The following ABHD3 variants were observed in gnomAD, a reference collection of about 807,000 sequenced individuals.
ABHD3 encodes the protein abhydrolase domain containing 3, phospholipase.
A neutral mutation model predicts 48.8 loss-of-function variants in ABHD3; 46 were observed. The observed-to-expected ratio is 0.94, with a 90% CI of 0.74 to 1.20. The LOEUF is 1.20. ABHD3 is among the 50% of genes most tolerant of loss of function. ABHD3 has a pLI of 0.00. For missense variants in ABHD3, 490 were observed against 497.8 expected (o/e 0.98, Z 0.15); for synonymous variants, 192 against 183.7 (o/e 1.04, Z -0.36).
chr18:21,695,077 G>C (rs2040338994), intron 3 of ABHD3, among the ~76,000 whole-genome samples: 1 of 151,934 alleles, frequency 6.6e-6, no homozygotes, highest in Admixed American at 6.6e-5. Context: ...TTGTCATCCA[G>C]GCTGGAGTGC....
In ABHD3 at chr18:21,683,929, C is replaced by A. The variant is rs1046066674; in HGVS notation, c.546G>T (p.Glu182Asp). The A allele has an allele frequency of 6.3e-7, 1 of 1,596,068 alleles. No individual in the cohort carries two copies. Among genetic ancestry groups the A allele is most frequent in the Non-Finnish European group, 8.5e-7 (1 of 1,170,494 alleles). ...VVFNNRGVAG[E>D]NLLTPRTYCC... ...ATTTAAATTTACTTACCAAGAGATT[C>A]TCCCCCGCCACTCCTCTGTTGTTAA... Residue 182 changes from glutamate (E) to aspartate (D), a missense_variant, in exon 4 of 9, where the codon GAG becomes GAT. Transcript: ENST00000289119.
intron 3 of ABHD3, among the ~76,000 whole-genome samples, chr18:21,686,074 G>A (rs1252531737): frequency 6.6e-6 from 1 of 152,090 alleles, no homozygotes; most frequent in African/African-American, 2.4e-5. Flanking sequence ...TAACTCCTGG[G>A]CTCAAGTGAT....
chr18:21,651,549 C>G lies in ABHD3; in HGVS notation c.*42G>C, dbSNP rs1239938426. ...TTTGTGCACTAAGCTGAGCTGCCTT[C>G]ACAATTGTGGTTCAGACAAAATGCA... On this transcript the variant is annotated 3_prime_UTR_variant, in exon 9 of 9. Coordinates refer to ENST00000289119, the MANE Select transcript of ABHD3 (RefSeq NM_138340.5). The G allele has an allele frequency of 1.1e-5, 17 of 1,610,218 alleles. No individual in the cohort carries two copies. The highest frequency in any genetic ancestry group is 5.0e-5 in the Admixed American group (3 of 59,480).
chr18:21,684,485 A>AT (rs1049513623), intron 3 of ABHD3, among the ~76,000 whole-genome samples: 5 of 150,012 alleles, frequency 3.3e-5, no homozygotes, highest in African/African-American at 7.3e-5. Flanking sequence ...TGCGCGGCTA[A>AT]TTTTTTTTTG....
At chr18:21,668,384 G>C (rs981374077) in intron 4 of ABHD3, among the ~76,000 whole-genome samples, 2 of 151,912 alleles carry the variant, frequency 1.3e-5, no homozygotes, top group Non-Finnish European at 2.9e-5. Context: ...TTTATGAATA[G>C]TCCCCAATAT....
chr18:21,663,777 C>T, intron 5 of ABHD3: 2 of 1,535,112 alleles, frequency 1.3e-6, no homozygotes, highest in Non-Finnish European at 1.7e-6. Context: ...AGTTCAGCTT[C>T]AGAACGCAGC....
intron 4 of ABHD3, among the ~76,000 whole-genome samples, chr18:21,669,019 T>C (rs2039699013): frequency 6.6e-6 from 1 of 152,000 alleles, no homozygotes; most frequent in Non-Finnish European, 1.5e-5. Context: ...GCCCAGCAGT[T>C]GAGAGCACCC....
intron 8 of ABHD3, chr18:21,654,972 A>T (rs1432199153): frequency 6.6e-6 from 1 of 152,218 alleles, no homozygotes; most frequent in Non-Finnish European, 1.5e-5. Context: ...GACTTCCTTA[A>T]TCCAATGAAA....
chr18:21,663,704 C>T, intron 5 of ABHD3: 9 of 1,535,508 alleles, frequency 5.9e-6, no homozygotes, highest in Non-Finnish European at 7.8e-6. Flanking sequence ...TTGAAGGCCA[C>T]TGCAGCTGGA....
At chr18:21,659,373 G>A in intron 5 of ABHD3, 30 bp from the exon 6 acceptor site, 1 of 1,587,486 alleles carries the variant, frequency 6.3e-7, no homozygotes. Flanking sequence ...GAAACTCAGT[G>A]ATTAATTTGT....
At chr18:21,700,827 C>CAAAAAAAAATAAAAAAAAAAAA (rs2040490621) in intron 3 of ABHD3, among the ~76,000 whole-genome samples, 1 of 94,396 alleles carries the variant, frequency 1.1e-5, no homozygotes, top group African/African-American at 3.5e-5. Context: ...AAGTTTTAGC[C>CAAAAAAAAATAAAAAAAAAAAA]AAAAAAAAAA....
At chr18:21,692,866 C>A (rs906228033) in intron 3 of ABHD3, among the ~76,000 whole-genome samples, 15 of 152,166 alleles carry the variant, frequency 9.9e-5, no homozygotes, top group African/African-American at 3.6e-4. Flanking sequence ...ATTTAATAAG[C>A]AAAGTGCTCT....
chr18:21,675,456 A>T (rs1194263560), intron 4 of ABHD3, among the ~76,000 whole-genome samples: 4 of 151,592 alleles, frequency 2.6e-5, no homozygotes, highest in African/African-American at 9.7e-5. Context: ...TTTAGTAGAG[A>T]CAGGGTTTCA....
chr18:21,653,336 AC>A (rs2039271527), intron 8 of ABHD3, among the ~76,000 whole-genome samples: 1 of 151,094 alleles, frequency 6.6e-6, no homozygotes, highest in Non-Finnish European at 1.5e-5. Context: ...TTTAGTAGAG[AC>A]GGGGTTTCAC....
intron 3 of ABHD3, among the ~76,000 whole-genome samples, chr18:21,694,711 G>A (rs770844773): frequency 5.3e-5 from 8 of 152,104 alleles, no homozygotes; most frequent in Non-Finnish European, 1.0e-4. Flanking sequence ...CTCATCGAAT[G>A]GGTGATCCAT....
At chr18:21,653,281 C>G (rs752177858) in intron 8 of ABHD3, among the ~76,000 whole-genome samples, 2 of 151,498 alleles carry the variant, frequency 1.3e-5, no homozygotes, top group Non-Finnish European at 2.9e-5. Flanking sequence ...AGTGAACTAT[C>G]GCACCACTGC....
At chr18:21,674,436 C>T (rs2039830054) in intron 4 of ABHD3, among the ~76,000 whole-genome samples, 1 of 151,814 alleles carries the variant, frequency 6.6e-6, no homozygotes, top group Non-Finnish European at 1.5e-5. Context: ...TTTGTAGAGA[C>T]AAGGTCTCAT....
At chr18:21,690,996 CAAA>C (rs34425997) in intron 3 of ABHD3, among the ~76,000 whole-genome samples, 2 of 63,224 alleles carry the variant, frequency 3.2e-5, no homozygotes, top group Admixed American at 1.7e-4. Flanking sequence ...GACTCTGTCT[CAAA>C]AAAAAAAAAA....
chr18:21,674,395 C>T (rs1487437346), intron 4 of ABHD3, among the ~76,000 whole-genome samples: 1 of 152,004 alleles, frequency 6.6e-6, no homozygotes, highest in Non-Finnish European at 1.5e-5. Context: ...GCACGTGCCA[C>T]CATGCCCATA....
Sources: gnomAD v4.1 joint callset for allele counts (sites outside exome capture counted in the v4.1 genomes callset) on GRCh38, gnomAD v4.1.1 for gene constraint, MANE v1.5 for transcripts, NCBI Gene and HGNC (gene_info 2026-07-23, HGNC 2026-07-21) for gene names.